PRKAR1A: variants seen among roughly 807,000 people sequenced by gnomAD.
PRKAR1A encodes the protein protein kinase cAMP-dependent type I regulatory subunit alpha, also known as cAMP-dependent protein kinase type I-alpha regulatory subunit.
Under a neutral mutation model 52.0 loss-of-function variants are expected in PRKAR1A, and 3 were observed. The observed-to-expected ratio is 0.06, with a 90% CI of 0.03 to 0.15. The LOEUF is 0.15. PRKAR1A is among the 10% of genes least tolerant of loss of function. The pLI is 1.00. For missense variants in PRKAR1A, 240 were observed against 477.4 expected (o/e 0.50, Z 4.63); for synonymous variants, 188 against 168.4 (o/e 1.12, Z -0.90).
the PRKAR1A span, chr17:68,426,028 C>A: frequency 6.6e-7 from 1 of 1,526,328 alleles, no homozygotes; most frequent in Non-Finnish European, 9.1e-7. Context: ...AGGTTTCCTT[C>A]TAAGCACACA....
At chr17:68,544,647 G>A (rs1428544435) in intron 11 of PRKAR1A, among the ~76,000 whole-genome samples, 1 of 152,152 alleles carries the variant, frequency 6.6e-6, no homozygotes, top group African/African-American at 2.4e-5. Flanking sequence ...GTGAGTCCTG[G>A]AAACCACAGT....
chr17:68,469,157 C>T, the PRKAR1A span, among the ~76,000 whole-genome samples: 1 of 152,114 alleles, frequency 6.6e-6, no homozygotes, highest in Non-Finnish European at 1.5e-5. Context: ...AGATTTATCC[C>T]ACACCAAAAC....
chr17:68,550,994 C>T (rs2143650552), intron 11 of PRKAR1A: 1 of 1,084,908 alleles, frequency 9.2e-7, no homozygotes, highest in African/African-American at 1.6e-5. Context: ...ATCTGCCAGT[C>T]TAATTGTATT....
intron 11 of PRKAR1A, among the ~76,000 whole-genome samples, chr17:68,548,455 A>C (rs1007226330): frequency 6.6e-6 from 1 of 152,024 alleles, no homozygotes; most frequent in Admixed American, 6.5e-5. Flanking sequence ...GCTTGAACCC[A>C]GGAGGCAGAG....
rs1600496690 is a variant in PRKAR1A, at chr17:68,530,469, C to T, written c.*20C>T. 6.2e-7 allele frequency: 1 copy of T among 1,613,992 alleles called. No homozygotes were observed. Among genetic ancestry groups the T allele is most frequent in the Non-Finnish European group, 8.5e-7 (1 of 1,179,902 alleles). ...GTCTGAAATCTGCCTCCTGTGCCTC[C>T]CTTTTCTCCTCTCCCCAATCCATGC... On this transcript the variant is annotated 3_prime_UTR_variant, in exon 11 of 11. Transcript: ENST00000589228.
chr17:68,551,255 C>T, exon 12 of PRKAR1A: 1 of 696,132 alleles, frequency 1.4e-6, no homozygotes, highest in Non-Finnish European at 2.0e-6. Context: ...CTATGTTTCA[C>T]AAAATTTTCA....
the PRKAR1A span, among the ~76,000 whole-genome samples, chr17:68,486,492 TC>T: frequency 0.081 from 4,125 of 51,236 alleles, 88 homozygotes; most frequent in East Asian, 0.19. Flanking sequence ...CTTCCTTCCT[TC>T]CTTCCTTCCT....
chr17:68,536,475 C>G (rs2086099545), downstream of PRKAR1A: 1 of 454,128 alleles, frequency 2.2e-6, no homozygotes, highest in Non-Finnish European at 4.4e-6. Context: ...ACTACACTTT[C>G]TTCTAAGGGA....
chr17:68,433,547 T>C, the PRKAR1A span: 1 of 1,613,930 alleles, frequency 6.2e-7, no homozygotes, highest in Non-Finnish European at 8.5e-7. Context: ...GAATCCATAC[T>C]GAACACTAGA....
chr17:68,542,825 C>T (rs967501716), intron 11 of PRKAR1A: 1 of 1,588,126 alleles, frequency 6.3e-7, no homozygotes, highest in Admixed American at 1.7e-5. Flanking sequence ...AGAGAGGAAG[C>T]TCTGTTCCAT....
chr17:68,436,656 A>C, the PRKAR1A span, among the ~76,000 whole-genome samples: 3 of 152,200 alleles, frequency 2.0e-5, no homozygotes, highest in Non-Finnish European at 4.4e-5. Context: ...CAATAAAGCA[A>C]CTTCACAGGG....
At chr17:68,518,138 C>T (rs1416336055) in intron 2 of PRKAR1A, among the ~76,000 whole-genome samples, 1 of 152,234 alleles carries the variant, frequency 6.6e-6, no homozygotes, top group Non-Finnish European at 1.5e-5. Flanking sequence ...CTCCTGGCTG[C>T]TTCCATGGGC....
rs563163480 is a variant in PRKAR1A, at chr17:68,548,984, A to G, written c.974-2100A>G. 1.8e-4 allele frequency among the ~76,000 whole-genome samples: 27 copies of G among 152,046 alleles called. 1 individual carries two copies. In the South Asian group the frequency reaches 5.4e-3, roughly 30 times the overall value. ...CCTGACCTCGTGATCTGCCCGCCTC[A>G]GCCTCCCAAAGTGCTGGGATTACAG... On this transcript the variant is annotated intron_variant, in intron 11 of 11. Coordinates refer to the PRKAR1A transcript ENST00000585981.
chr17:68,482,472 G>A, the PRKAR1A span, among the ~76,000 whole-genome samples: 1 of 151,894 alleles, frequency 6.6e-6, no homozygotes, highest in Non-Finnish European at 1.5e-5. Context: ...CTTTTTTTAC[G>A]GTGCTGTAAT....
At chr17:68,491,550 A>C in the PRKAR1A span, among the ~76,000 whole-genome samples, 1 of 152,228 alleles carries the variant, frequency 6.6e-6, no homozygotes, top group African/African-American at 2.4e-5. Context: ...AAGGGCGTGG[A>C]AGTAATTAGA....
the PRKAR1A span, chr17:68,426,254 G>GGGGGGGCCCCCC: frequency 1.2e-6 from 1 of 816,920 alleles, no homozygotes; most frequent in Non-Finnish European, 1.9e-6. Flanking sequence ...GGGAGCGGGG[G>GGGGGGGCCCCCC]CTCAAATAAA....
downstream of PRKAR1A, chr17:68,537,655 T>G (rs1555818127): frequency 1.2e-6 from 2 of 1,613,834 alleles, no homozygotes; most frequent in Non-Finnish European, 1.7e-6. This position sits in a 1 kb window ranked among gnomAD's most constrained non-coding sequence, Gnocchi z 4.2. Context: ...GAGCTGGTCT[T>G]CCAGCAGTGA....
chr17:68,541,158 T>A, intron 11 of PRKAR1A: 1 of 682,996 alleles, frequency 1.5e-6, no homozygotes, highest in Non-Finnish European at 2.4e-6. Context: ...TCCTGGGTCC[T>A]TTAAGTCTGG....
intron 1 of PRKAR1A, among the ~76,000 whole-genome samples, chr17:68,513,946 G>A (rs2085350107): frequency 6.6e-6 from 1 of 152,122 alleles, no homozygotes; most frequent in Non-Finnish European, 1.5e-5. Context: ...ATTGTTCTTG[G>A]TGGCCTTTAA....
Sources: gnomAD v4.1 joint callset for allele counts (sites outside exome capture counted in the v4.1 genomes callset) on GRCh38, gnomAD v4.1.1 for gene constraint, Gnocchi (gnomAD v3.1) non-coding constraint, MANE v1.5 for transcripts, NCBI Gene and HGNC (gene_info 2026-07-23, HGNC 2026-07-21) for gene names.